The following KAZN variants were observed in gnomAD, a reference collection of about 807,000 sequenced individuals.
KAZN encodes the protein kazrin, periplakin interacting protein, also known as kazrin.
A neutral mutation model predicts 87.4 loss-of-function variants in KAZN; 40 were observed. That is an observed-to-expected ratio of 0.46 (90% CI 0.36 to 0.60). The LOEUF (loss-of-function observed/expected upper bound fraction) is 0.60. Ranked by LOEUF, KAZN falls within the 20% of genes least tolerant of loss-of-function variation. KAZN has a pLI of 0.00. For missense variants in KAZN, 898 were observed against 1,073.9 expected (o/e 0.84, Z 2.29); for synonymous variants, 466 against 458.3 (o/e 1.02, Z -0.22).
intron 1 of KAZN, among the ~76,000 whole-genome samples, chr1:14,786,904 G>T (rs1238475553): frequency 6.6e-6 from 1 of 152,200 alleles, no homozygotes; most frequent in Non-Finnish European, 1.5e-5. Flanking sequence ...GAAATGTGGT[G>T]AAATGACCCA....
chr1:14,593,996 C>T (rs1164360645), upstream of KAZN, among the ~76,000 whole-genome samples: 1 of 152,184 alleles, frequency 6.6e-6, no homozygotes. Context: ...CTGCGTGGTT[C>T]ATTCCTAAAT....
chr1:14,243,390 G>A (rs1043848853), intron 2 of KAZN, among the ~76,000 whole-genome samples: 2 of 152,152 alleles, frequency 1.3e-5, no homozygotes, highest in African/African-American at 4.8e-5. Context: ...GGAGGTGGAG[G>A]AGGAGGGAAG....
At chr1:14,485,984 G>A (rs1046830730) in intron 2 of KAZN, among the ~76,000 whole-genome samples, 1 of 151,862 alleles carries the variant, frequency 6.6e-6, no homozygotes, top group Admixed American at 6.6e-5. Context: ...TGCTCTGCGG[G>A]AGCAGTCATG....
At chr1:15,084,776 C>T (rs1372349231) in intron 8 of KAZN, among the ~76,000 whole-genome samples, 1 of 152,208 alleles carries the variant, frequency 6.6e-6, no homozygotes, top group African/African-American at 2.4e-5. Flanking sequence ...TGGAGAAAGG[C>T]ATCTGCTATT....
At chr1:14,778,221 C>G (rs1211156185) in intron 1 of KAZN, among the ~76,000 whole-genome samples, 3 of 152,124 alleles carry the variant, frequency 2.0e-5, no homozygotes, top group Non-Finnish European at 4.4e-5. Context: ...TCAAAAGTGA[C>G]ACAGAGGACA....
At chr1:14,924,272 C>A (rs1213112206) in intron 1 of KAZN, 1 of 982,398 alleles carries the variant, frequency 1.0e-6, no homozygotes, top group Non-Finnish European at 1.2e-6. Flanking sequence ...CGGCTGCGCC[C>A]CGATGCGGCG....
At chr1:14,809,131 T>C (rs1329173710) in intron 1 of KAZN, among the ~76,000 whole-genome samples, 1 of 152,168 alleles carries the variant, frequency 6.6e-6, no homozygotes, top group Non-Finnish European at 1.5e-5. Flanking sequence ...GAAAAACCAC[T>C]GGCAAGGAGG....
At chr1:15,029,694 A>G (rs1207476109) in intron 2 of KAZN, among the ~76,000 whole-genome samples, 1 of 152,220 alleles carries the variant, frequency 6.6e-6, no homozygotes, top group Non-Finnish European at 1.5e-5. Flanking sequence ...TGCCAAGAGC[A>G]GAGTCTGGAG....
At chr1:14,375,756 C>G (rs541114736) in intron 2 of KAZN, among the ~76,000 whole-genome samples, 1 of 152,004 alleles carries the variant, frequency 6.6e-6, no homozygotes, top group African/African-American at 2.4e-5. Flanking sequence ...GGTGTGGTGG[C>G]GGGTGCCTGT....
chr1:14,971,790 G>A (rs1164930544), intron 2 of KAZN, among the ~76,000 whole-genome samples: 3 of 149,622 alleles, frequency 2.0e-5, no homozygotes, highest in Non-Finnish European at 4.4e-5. Flanking sequence ...CACACCATTC[G>A]GCACCAGGAG....
Position 14,372,345 on chromosome 1 carries a change from G to A in KAZN, c.249+191753G>A, listed in dbSNP as rs376772434. Among the ~76,000 whole-genome samples the A allele has an allele frequency of 1.9e-4, 29 of 152,268 alleles. 1 individual carries two copies. The South Asian group carries it at 3.5e-3, about 19-fold the overall frequency. On this transcript the variant is annotated intron_variant, in intron 2 of 16. Coordinates refer to the KAZN transcript ENST00000636203. The stretch of plus-strand genomic sequence containing the variant: ...TTAAGTATATTTTCTTGGACTTTGA[G>A]TCATTGGAAGTTGGTAATTGAAACA...
intron 2 of KAZN, among the ~76,000 whole-genome samples, chr1:14,268,927 G>A (rs1227691289): frequency 6.6e-6 from 1 of 152,162 alleles, no homozygotes; most frequent in Non-Finnish European, 1.5e-5. Context: ...TATCTCTCAC[G>A]CTTGCGGTCA....
intron 3 of KAZN, among the ~76,000 whole-genome samples, chr1:15,040,877 C>G (rs757316398): frequency 6.6e-6 from 1 of 152,094 alleles, no homozygotes; most frequent in Non-Finnish European, 1.5e-5. Flanking sequence ...TGTCACGTGA[C>G]TGCAGATGGA....
At chr1:14,041,091 A>G (rs974587043) in intron 1 of KAZN, among the ~76,000 whole-genome samples, 12 of 152,200 alleles carry the variant, frequency 7.9e-5, no homozygotes. Context: ...CCACCGCTGA[A>G]TTCTTTTAGC....
rs1639983433 is a variant in KAZN, at chr1:15,081,078, A to G, written c.1223-13102A>G. 1.3e-5 allele frequency among the ~76,000 whole-genome samples: 2 copies of G among 152,248 alleles called. No homozygotes were observed. Among genetic ancestry groups the G allele is most frequent in the South Asian group, 4.1e-4 (2 of 4,836 alleles). On this transcript the variant is annotated intron_variant, in intron 8 of 14. Transcript: ENST00000376030. This position sits in a 1 kb window ranked among gnomAD's most constrained non-coding sequence, Gnocchi z 4.1. ...CAGGTGACCCTGCTGTGGCTGGAAGAGGCGTGGACGAGGCGGGGTTGGCAG... is the reference window on the plus strand; with the variant it reads ...CAGGTGACCCTGCTGTGGCTGGAAGGGGCGTGGACGAGGCGGGGTTGGCAG...
At chr1:14,040,060 T>C (rs1202808281) in intron 1 of KAZN, among the ~76,000 whole-genome samples, 1 of 151,418 alleles carries the variant, frequency 6.6e-6, no homozygotes, top group Non-Finnish European at 1.5e-5. Flanking sequence ...TGTGTGTGTG[T>C]GCACGTGTGT....
intron 2 of KAZN, among the ~76,000 whole-genome samples, chr1:14,223,276 A>G (rs982001488): frequency 6.6e-6 from 1 of 152,218 alleles, no homozygotes; most frequent in Non-Finnish European, 1.5e-5. Context: ...GGTTGTTAGC[A>G]TCAAGTTCTT....
At chr1:14,828,392 A>T (rs1646959135) in intron 1 of KAZN, among the ~76,000 whole-genome samples, 1 of 152,226 alleles carries the variant, frequency 6.6e-6, no homozygotes, top group African/African-American at 2.4e-5. Flanking sequence ...ATTAATGGAA[A>T]ACCGTGTTTA....
chr1:14,243,323 AC>A (rs556785417), intron 2 of KAZN, among the ~76,000 whole-genome samples: 525 of 152,218 alleles, frequency 3.4e-3, no homozygotes, highest in Middle Eastern at 0.017. Flanking sequence ...GTCGGGCCCT[AC>A]CCTTTTCTGC....
Sources: allele counts gnomAD v4.1 joint callset (sites outside exome capture counted in the v4.1 genomes callset), GRCh38; gene constraint gnomAD v4.1.1; non-coding constraint Gnocchi (gnomAD v3.1); transcripts MANE v1.5; gene names NCBI Gene and HGNC (gene_info 2026-07-23, HGNC 2026-07-21).